Variants in LARS2 observed in about 807,000 individuals in gnomAD.
The protein encoded by LARS2 is leucyl-tRNA synthetase 2, mitochondrial, also known as leucine--tRNA ligase, mitochondrial.
A neutral mutation model predicts 116.6 loss-of-function variants in LARS2; 81 were observed. The ratio of observed to expected loss-of-function variants is 0.69; its 90% CI spans 0.58 to 0.84. The LOEUF (loss-of-function observed/expected upper bound fraction) is 0.84, where lower values mean the gene tolerates loss of function less well. LARS2 is among the 40% of genes least tolerant of loss of function. The probability of loss-of-function intolerance (pLI) is 0.00; values close to 1 mark genes in which losing one functional copy is unlikely to be tolerated. For missense variants in LARS2, 968 were observed against 1,114.5 expected, an observed-to-expected ratio of 0.87 and a Z score of 1.87; for synonymous variants, 396 against 407.2, an observed-to-expected ratio of 0.97 and a Z score of 0.33.
chr3:45,542,107 G>A (rs1700808126), intron 21 of LARS2, 151 bp downstream of exon 21: 3 of 965,480 alleles, frequency 3.1e-6, no homozygotes. Flanking sequence ...AAGGCACAAA[G>A]GCCTGTCTTT....
At chr3:45,546,809 A>G (rs908647653) in intron 21 of LARS2, among the ~76,000 whole-genome samples, 1 of 152,198 alleles carries the variant, frequency 6.6e-6, no homozygotes, top group Non-Finnish European at 1.5e-5. Flanking sequence ...TGTGGCTCCA[A>G]TTTCTAAGTC....
chr3:45,537,508 T>C (rs1316685805), intron 20 of LARS2, among the ~76,000 whole-genome samples: 1 of 152,236 alleles, frequency 6.6e-6, no homozygotes, highest in Non-Finnish European at 1.5e-5. Context: ...TACCCACTGA[T>C]GCTCTGATAG....
intron 10 of LARS2, among the ~76,000 whole-genome samples, chr3:45,483,820 A>C (rs1699746475): frequency 6.6e-6 from 1 of 152,062 alleles, no homozygotes; most frequent in Non-Finnish European, 1.5e-5. Context: ...TCCCTACCAT[A>C]TCTCATTCTG....
At chr3:45,527,260 AG>A (rs1308061764) in intron 20 of LARS2, among the ~76,000 whole-genome samples, 3 of 152,208 alleles carry the variant, frequency 2.0e-5, no homozygotes, top group African/African-American at 7.2e-5. Flanking sequence ...GAAGGGTCTC[AG>A]GAAGTGAGGA....
chr3:45,433,012 TAA>T (rs1432526439), intron 6 of LARS2, among the ~76,000 whole-genome samples: 1 of 152,072 alleles, frequency 6.6e-6, no homozygotes, highest in Admixed American at 6.5e-5. Context: ...AAGTGTACAT[TAA>T]GTGTACTTTA....
intron 18 of LARS2, 129 bp downstream of exon 18, chr3:45,518,201 G>A (rs754226712): frequency 3.2e-5 from 21 of 650,684 alleles, no homozygotes; most frequent in African/African-American, 9.2e-5. Flanking sequence ...TGGCAATGGC[G>A]GTCCTTCTTG....
At chr3:45,495,500 C>T (rs1699998096) in intron 13 of LARS2, 1 of 152,214 alleles carries the variant, frequency 6.6e-6, no homozygotes. Flanking sequence ...GATTTCTGCA[C>T]CTGTCACCCC....
In LARS2 at chr3:45,419,724, G is replaced by T. The variant is rs1181823409; in HGVS notation, c.511G>T (p.Asp171Tyr). 1.9e-6 allele frequency: 3 copies of T among 1,612,856 alleles called. No homozygotes were observed. The highest frequency in any genetic ancestry group is 2.2e-5 in the East Asian group (1 of 44,888). Residue 171 changes from aspartate (D) to tyrosine (Y), a missense_variant, in exon 6 of 22, where the codon GAT becomes TAT. Transcript: ENST00000645846. ...LDRLGLCFSWDREITTCLPDY... is the reference protein window; with the variant it reads ...LDRLGLCFSWYREITTCLPDY... ...TCGTCTGGGCCTGTGTTTCAGCTGG[G>T]ATAGGGTAAGTCAACTCTTTTTCCT... is the stretch of plus-strand genomic sequence containing the variant.
At chr3:45,534,397 G>T (rs1369242861) in intron 20 of LARS2, among the ~76,000 whole-genome samples, 1 of 152,184 alleles carries the variant, frequency 6.6e-6, no homozygotes, top group Non-Finnish European at 1.5e-5. Context: ...TATTGTGATA[G>T]GGCCTTAATA....
chr3:45,495,703 G>T (rs1700000202), intron 13 of LARS2, among the ~76,000 whole-genome samples: 1 of 152,214 alleles, frequency 6.6e-6, no homozygotes, highest in South Asian at 2.1e-4. Context: ...CTTTTGGATG[G>T]TGAGGCTTTC....
At chr3:45,483,070 A>G (rs1435882450) in intron 10 of LARS2, among the ~76,000 whole-genome samples, 1 of 152,188 alleles carries the variant, frequency 6.6e-6, no homozygotes, top group Non-Finnish European at 1.5e-5. Flanking sequence ...TCGTTAGCTA[A>G]ACACACTAGC....
chr3:45,394,784 G>A (rs1041501857), intron 3 of LARS2, 97 bp downstream of exon 3: 1 of 787,318 alleles, frequency 1.3e-6, no homozygotes, highest in Admixed American at 2.7e-5. Context: ...TATTAAATAT[G>A]TGACCTTGAA....
At chr3:45,478,144 G>A (rs1699644866) in intron 10 of LARS2, among the ~76,000 whole-genome samples, 1 of 152,018 alleles carries the variant, frequency 6.6e-6, no homozygotes, top group Non-Finnish European at 1.5e-5. Flanking sequence ...AAATTTCTAT[G>A]CATGCTTATA....
chr3:45,538,745 G>A (rs1438405568), intron 20 of LARS2, among the ~76,000 whole-genome samples: 6 of 152,132 alleles, frequency 3.9e-5, no homozygotes, highest in Non-Finnish European at 8.8e-5. Context: ...AACAAATAAG[G>A]CTATGGCACT....
At chr3:45,442,733 A>G (rs1316437502) in intron 6 of LARS2, among the ~76,000 whole-genome samples, 1 of 152,186 alleles carries the variant, frequency 6.6e-6, no homozygotes, top group Non-Finnish European at 1.5e-5. Flanking sequence ...GCTACCCCCG[A>G]TGGAGAAGGG....
chr3:45,403,579 G>A (rs1417280730), intron 4 of LARS2, among the ~76,000 whole-genome samples: 2 of 152,168 alleles, frequency 1.3e-5, no homozygotes, highest in Non-Finnish European at 2.9e-5. Context: ...GGACAGTTAA[G>A]CTTTTATAGC....
chr3:45,435,271 G>T (rs901587364), intron 6 of LARS2, among the ~76,000 whole-genome samples: 1 of 152,060 alleles, frequency 6.6e-6, no homozygotes, highest in Non-Finnish European at 1.5e-5. Flanking sequence ...CTTGTCCTGT[G>T]GGCTGCACTG....
rs116107851 is a variant in LARS2, at chr3:45,469,286, A to C, written c.751-4957A>C. On this transcript the variant is annotated intron_variant, in intron 8 of 21. Coordinates refer to ENST00000645846, the MANE Select transcript of LARS2 (RefSeq NM_015340.4). ...ATCATAGGGAGGCTTTACTATATTT[A>C]TGTATTTGTCATGTCTTCTCTAAAG... Among the ~76,000 whole-genome samples the C allele has an allele frequency of 2.2e-3, 337 of 152,232 alleles. 1 individual carries two copies. Among genetic ancestry groups the C allele is most frequent in the African/African-American group, 7.1e-3 (297 of 41,542 alleles).
rs1426390254 is a variant in LARS2 at position 45,459,798 on chromosome 3, T to C, written c.750+912T>C. Among the ~76,000 whole-genome samples the C allele has an allele frequency of 1.3e-5, 2 of 152,226 alleles. 1 individual carries two copies. The highest frequency in any genetic ancestry group is 4.1e-4 in the South Asian group (2 of 4,832). ...CAATTTGGTGACCTTTGTATTCTTA[T>C]GCATGCATGAGACTGGACATAAGTA... On this transcript the variant is annotated intron_variant, in intron 8 of 21. Transcript: ENST00000645846.
Sources: allele counts gnomAD v4.1 joint callset (sites outside exome capture counted in the v4.1 genomes callset), GRCh38; gene constraint gnomAD v4.1.1; transcripts MANE v1.5; gene names NCBI Gene and HGNC (gene_info 2026-07-23, HGNC 2026-07-21).